MYO9B: variants seen among roughly 807,000 people sequenced by gnomAD.
The protein encoded by MYO9B is unconventional myosin-IXb.
MYO9B carries 71 observed loss-of-function variants against 229.5 expected under a neutral mutation model. The observed-to-expected ratio is 0.31, with a 90% CI of 0.26 to 0.38. The LOEUF (loss-of-function observed/expected upper bound fraction) is 0.38. Ranked by LOEUF, MYO9B falls within the 10% of genes least tolerant of loss-of-function variation. The pLI, the probability that MYO9B is intolerant of heterozygous loss-of-function variation, is 1.00. For synonymous variants in MYO9B, 1,185 were observed against 1,235.8 expected, an observed-to-expected ratio of 0.96 and a Z score of 0.86; for missense variants, 2,255 against 2,920.5, an observed-to-expected ratio of 0.77 and a Z score of 5.25.
intron 2 of MYO9B, among the ~76,000 whole-genome samples, chr19:17,116,893 C>T (rs982347265): frequency 6.6e-6 from 1 of 152,106 alleles, no homozygotes; most frequent in African/African-American, 2.4e-5. Flanking sequence ...ATTTCTGTGC[C>T]CTGCCACATA....
In MYO9B at chr19:17,203,274, A is replaced by G. The variant is rs1017177258; in HGVS notation, c.4990+16A>G. Reference sequence around the variant, plus strand: ...CTCTGCAGCGGTGAGTGGCTCCCCCACCAGGCCCCAAAACCCTCCATGTCC... The same window carrying G: ...CTCTGCAGCGGTGAGTGGCTCCCCCGCCAGGCCCCAAAACCCTCCATGTCC... On this transcript the variant is annotated intron_variant, in intron 30 of 39. Transcript: ENST00000682292. 6.5e-7 allele frequency: 1 copy of G among 1,532,618 alleles called. No homozygotes were observed. The highest frequency in any genetic ancestry group is 1.4e-5 in the African/African-American group (1 of 72,624). 94.9% of individuals were successfully genotyped at this position (1,532,618 alleles called of 1,614,324 possible). A position where few individuals can be genotyped will look rare whatever the true frequency, so the allele number is the denominator to read the frequency against.
At position 17,203,275 on chromosome 19, in the gene MYO9B, C is replaced by T; in HGVS notation, c.4990+17C>T. 6.5e-7 allele frequency: 1 copy of T among 1,532,856 alleles called. No individual in the cohort carries two copies. Among genetic ancestry groups the T allele is most frequent in the African/African-American group, 1.4e-5 (1 of 72,788 alleles). 95.0% of individuals were successfully genotyped at this position (1,532,856 alleles called of 1,614,324 possible). ...TCTGCAGCGGTGAGTGGCTCCCCCA[C>T]CAGGCCCCAAAACCCTCCATGTCCC... is the stretch of plus-strand genomic sequence containing the variant. On this transcript the variant is annotated intron_variant, in intron 30 of 39. Coordinates refer to ENST00000682292, the MANE Select transcript of MYO9B (RefSeq NM_004145.4).
In MYO9B at chr19:17,101,951, G is replaced by A. The variant is rs779357890; in HGVS notation, c.234G>A (p.Leu78=). 36 of 1,613,450 alleles carry A rather than the reference G, an allele frequency of 2.2e-5. No individual in the cohort carries two copies. Among genetic ancestry groups the A allele is most frequent in the Non-Finnish European group, 2.9e-5 (34 of 1,179,832 alleles). The stretch of plus-strand genomic sequence containing the variant: ...AGTCGGGAGGCGAGGAATGGGTGCT[G>A]GACGCCAACGACTCGCCTGTGCACC... ...VKESGGEEWV[L]DANDSPVHRV... The change falls in exon 2 of 40, where the codon CTG becomes CTA. Residue 78 remains leucine (L), a synonymous_variant. Transcript: ENST00000682292. This position sits in a 1 kb window ranked among gnomAD's most constrained non-coding sequence, Gnocchi z 4.7.
At chr19:17,117,954 A>AG (rs1333745235) in intron 2 of MYO9B, among the ~76,000 whole-genome samples, 7 of 151,316 alleles carry the variant, frequency 4.6e-5, no homozygotes, top group South Asian at 2.1e-4. Context: ...AAAAAAAAAA[A>AG]AAAGAAAAGA....
At chr19:17,150,405 C>G (rs1332311161) in intron 3 of MYO9B, among the ~76,000 whole-genome samples, 1 of 148,460 alleles carries the variant, frequency 6.7e-6, no homozygotes, top group Non-Finnish European at 1.5e-5. Context: ...GAGACTCCGT[C>G]TCAAAAAAAA....
At chr19:17,131,780 T>C (rs2072199313) in intron 2 of MYO9B, among the ~76,000 whole-genome samples, 1 of 152,084 alleles carries the variant, frequency 6.6e-6, no homozygotes, top group Non-Finnish European at 1.5e-5. Flanking sequence ...TAGTTTTACC[T>C]AGAAACCGTG....
Position 17,206,228 on chromosome 19 carries a change from C to A in MYO9B, c.5258-20C>A. ...CCTGCCAGTGCGCCGCTCACCAGACCCACCCCACCCACCCCACAGACCCCG... is the reference window on the plus strand; with the variant it reads ...CCTGCCAGTGCGCCGCTCACCAGACACACCCCACCCACCCCACAGACCCCG... On this transcript the variant is annotated intron_variant, in intron 32 of 39. Coordinates refer to ENST00000682292, the MANE Select transcript of MYO9B (RefSeq NM_004145.4). 3 of 671,196 alleles carry A rather than the reference C, an allele frequency of 4.5e-6. No individual in the cohort carries two copies. Among genetic ancestry groups the A allele is most frequent in the Non-Finnish European group, 4.9e-6 (2 of 405,784 alleles). The allele number at this position is 671,196 out of a possible 1,614,324, so 41.6% of individuals were successfully genotyped here. A position where few individuals can be genotyped will look rare whatever the true frequency, so the allele number is the denominator to read the frequency against.
Position 17,124,759 on chromosome 19 carries a change from C to CAA in MYO9B, c.841-20620_841-20619dup, listed in dbSNP as rs35063637. Among the ~76,000 whole-genome samples, 728 of 79,074 alleles carry CAA rather than the reference C, an allele frequency of 9.2e-3. 12 individuals are homozygous for CAA. The highest frequency in any genetic ancestry group is 0.031 in the African/African-American group (686 of 22,186). 51.9% of individuals were successfully genotyped at this position (79,074 alleles called of 152,430 possible). A position where few individuals can be genotyped will look rare whatever the true frequency, so the allele number is the denominator to read the frequency against. On this transcript the variant is annotated intron_variant, in intron 2 of 39. Transcript: ENST00000682292. ...TGGGCAACAGAGTGAGACTCTGTCT[C>CAA]AAAAAAAAAAAAAAAAAAAGGTACA...
intron 10 of MYO9B, among the ~76,000 whole-genome samples, chr19:17,165,734 C>T (rs149134400): frequency 1.0e-3 from 154 of 152,176 alleles, no homozygotes; most frequent in Admixed American, 3.1e-3. Flanking sequence ...GTGATCGCAC[C>T]GCTGCACTCC....
chr19:17,127,728 G>A (rs955697718), intron 2 of MYO9B, among the ~76,000 whole-genome samples: 3 of 152,188 alleles, frequency 2.0e-5, no homozygotes, highest in Non-Finnish European at 4.4e-5. Flanking sequence ...GAGATCACTG[G>A]TACCAGGAGG....
In MYO9B at chr19:17,195,059, A is replaced by T; in HGVS notation, c.3632A>T (p.Glu1211Val). ...CTTCTAGTCGTAGAGACGGAGGCTGAGAACACATCTCAAAAGCAGCCCACA... is the reference window on the plus strand; with the variant it reads ...CTTCTAGTCGTAGAGACGGAGGCTGTGAACACATCTCAAAAGCAGCCCACA... Reference protein sequence around the residue: ...ETLLVVETEAENTSQKQPTEQ... With the variant: ...ETLLVVETEAVNTSQKQPTEQ... Residue 1211 changes from glutamate (E) to valine (V), a missense_variant, in exon 22 of 40, where the codon GAG becomes GTG. Physicochemically the swap from Glu to Val is moderately radical, Grantham distance 121. Coordinates refer to ENST00000682292, the MANE Select transcript of MYO9B (RefSeq NM_004145.4). The surrounding 1 kb of genome is among the most constrained non-coding windows in gnomAD (Gnocchi z 4.5). The T allele has an allele frequency of 6.2e-7, 1 of 1,613,042 alleles. No individual in the cohort carries two copies. Among genetic ancestry groups the T allele is most frequent in the South Asian group, 1.1e-5 (1 of 91,090 alleles).
chr19:17,101,363 C>T lies in MYO9B; in HGVS notation c.-58-297C>T, dbSNP rs1027103850. On this transcript the variant is annotated intron_variant, in intron 1 of 39. Coordinates refer to ENST00000682292, the MANE Select transcript of MYO9B (RefSeq NM_004145.4). This position sits in a 1 kb window ranked among gnomAD's most constrained non-coding sequence, Gnocchi z 4.7. ...TTTATTTTTTGTAGAGACGGGGTCT[C>T]GCTATGTTGCCCAGGCTGGTCTCAA... Among the ~76,000 whole-genome samples, 10 of 151,820 alleles carry T rather than the reference C, an allele frequency of 6.6e-5. No individual in the cohort carries two copies. Among genetic ancestry groups the T allele is most frequent in the African/African-American group, 2.2e-4 (9 of 41,340 alleles).
At chr19:17,084,885 A>G (rs2057568181) in intron 1 of MYO9B, among the ~76,000 whole-genome samples, 1 of 152,072 alleles carries the variant, frequency 6.6e-6, no homozygotes, top group Admixed American at 6.6e-5. Flanking sequence ...AGCCTGGGCA[A>G]CAGAGCAAGA....
At chr19:17,147,919 T>C (rs1348356101) in intron 3 of MYO9B, among the ~76,000 whole-genome samples, 1 of 150,992 alleles carries the variant, frequency 6.6e-6, no homozygotes. Context: ...CGACCTCAGG[T>C]GATCTGCCCG....
chr19:17,154,365 G>T lies in MYO9B; in HGVS notation c.1149G>T (p.Arg383Ser), dbSNP rs752043893. 11 of 1,613,240 alleles carry T rather than the reference G, an allele frequency of 6.8e-6. No homozygotes were observed. The highest frequency in any genetic ancestry group is 3.3e-4 in the Middle Eastern group (2 of 6,076). ...AGGACCTGAAGCATGACTTTGAGAGGCTCAAGCAGGCCATGGAGATGGTGG... is the reference window on the plus strand; with the variant it reads ...AGGACCTGAAGCATGACTTTGAGAGTCTCAAGCAGGCCATGGAGATGGTGG... ...DGEDLKHDFE[R>S]LKQAMEMVGF... The change falls in exon 6 of 40, where the codon AGG becomes AGT. Residue 383 changes from arginine (R) to serine (S), a missense_variant. Physicochemically the swap from Arg to Ser is moderately radical, Grantham distance 110. Transcript: ENST00000682292.
chr19:17,163,605 C>CA (rs2072628666), intron 10 of MYO9B, among the ~76,000 whole-genome samples: 2 of 151,994 alleles, frequency 1.3e-5, no homozygotes, highest in African/African-American at 2.4e-5. Context: ...TGAGCTCAGG[C>CA]AATCTGCTCA....
intron 18 of MYO9B, among the ~76,000 whole-genome samples, chr19:17,186,911 A>G (rs2072925506): frequency 6.6e-6 from 1 of 151,964 alleles, no homozygotes; most frequent in Non-Finnish European, 1.5e-5. Flanking sequence ...TATTTTTAGT[A>G]GAGACGGGGT....
chr19:17,076,164 TG>T, intron 1 of MYO9B, among the ~76,000 whole-genome samples: 1 of 131,898 alleles, frequency 7.6e-6, no homozygotes, highest in African/African-American at 2.9e-5. Flanking sequence ...AAGTGGTAAT[TG>T]GGGGGTCGCA....
intron 2 of MYO9B, among the ~76,000 whole-genome samples, chr19:17,133,847 G>A (rs188991493): frequency 3.9e-5 from 6 of 152,088 alleles, no homozygotes; most frequent in Non-Finnish European, 8.8e-5. Flanking sequence ...TGCAAGCTCC[G>A]CCTCCCAGGT....
Sources: gnomAD v4.1 joint callset for allele counts (sites outside exome capture counted in the v4.1 genomes callset) on GRCh38, gnomAD v4.1.1 for gene constraint, Gnocchi (gnomAD v3.1) non-coding constraint, MANE v1.5 for transcripts, NCBI Gene and HGNC (gene_info 2026-07-23, HGNC 2026-07-21) for gene names.